The following GPM6A variants were observed in gnomAD, a reference collection of about 807,000 sequenced individuals.
The protein encoded by GPM6A is glycoprotein M6A.
A neutral mutation model predicts 32.1 loss-of-function variants in GPM6A; 7 were observed. The ratio of observed to expected loss-of-function variants is 0.22; its 90% CI spans 0.12 to 0.41. The LOEUF (loss-of-function observed/expected upper bound fraction) is 0.41, where lower values mean the gene tolerates loss of function less well. Among genes scored for constraint, GPM6A ranks in the 10% least tolerant of loss-of-function variants. The pLI, the probability that GPM6A is intolerant of heterozygous loss-of-function variation, is 1.00. For missense variants in GPM6A, 235 were observed against 347.2 expected, an observed-to-expected ratio of 0.68 and a Z score of 2.57; for synonymous variants, 130 against 123.4, an observed-to-expected ratio of 1.05 and a Z score of -0.35.
chr4:175,731,316 G>T (rs1033704789), intron 1 of GPM6A, among the ~76,000 whole-genome samples: 1 of 152,048 alleles, frequency 6.6e-6, no homozygotes, highest in African/African-American at 2.4e-5. Flanking sequence ...CCCAGTGCCT[G>T]CAATGCGCTC....
chr4:175,815,197 G>A (rs147865657), upstream of GPM6A, among the ~76,000 whole-genome samples: 1,153 of 152,188 alleles, frequency 7.6e-3, 14 homozygotes, highest in African/African-American at 0.026. Context: ...TTTTAGTGGA[G>A]ACCGGGTTGG....
At chr4:175,684,372 T>A (rs941824943) in intron 2 of GPM6A, among the ~76,000 whole-genome samples, 5 of 152,188 alleles carry the variant, frequency 3.3e-5, no homozygotes, top group Admixed American at 2.0e-4. Flanking sequence ...TTAGAAGCCT[T>A]TACCTACACC....
intron 2 of GPM6A, among the ~76,000 whole-genome samples, chr4:175,679,702 A>G (rs111410742): frequency 2.6e-5 from 4 of 152,260 alleles, no homozygotes; most frequent in African/African-American, 9.6e-5. Flanking sequence ...TGATTTGTCT[A>G]TTTGTTAGTG....
chr4:175,706,277 C>T (rs942266522), intron 1 of GPM6A, among the ~76,000 whole-genome samples: 1 of 152,158 alleles, frequency 6.6e-6, no homozygotes, highest in Non-Finnish European at 1.5e-5. Context: ...AAGATACTGA[C>T]ATTTTTAAAA....
chr4:175,911,154 C>G (rs1179189965), intron 1 of GPM6A, among the ~76,000 whole-genome samples: 1 of 152,118 alleles, frequency 6.6e-6, no homozygotes. Flanking sequence ...GTCTATCCAG[C>G]CCTCCAAATG....
At chr4:175,787,955 A>G (rs1330169752) in intron 1 of GPM6A, 1 of 152,200 alleles carries the variant, frequency 6.6e-6, no homozygotes, top group Non-Finnish European at 1.5e-5. Flanking sequence ...ATACATATAT[A>G]CTTTGAAGTT....
intron 6 of GPM6A, among the ~76,000 whole-genome samples, chr4:175,637,691 TA>T (rs1294682031): frequency 3.6e-5 from 3 of 82,248 alleles, no homozygotes; most frequent in East Asian, 3.2e-4. Flanking sequence ...ATATAATATA[TA>T]ATATATTATA....
intron 1 of GPM6A, among the ~76,000 whole-genome samples, chr4:175,852,001 G>A (rs936940561): frequency 6.6e-6 from 1 of 152,122 alleles, no homozygotes; most frequent in Non-Finnish European, 1.5e-5. Flanking sequence ...GATATTAAAA[G>A]ATCAGTCAGA....
rs1030879950 is a variant in GPM6A, at chr4:175,727,718, C to T, written c.38-25951G>A. On this transcript the variant is annotated intron_variant, in intron 1 of 6. Coordinates refer to ENST00000393658, the MANE Select transcript of GPM6A (RefSeq NM_201591.3). ...ATTATACAATTATAAAAACTTACGGCGTGGGCTGGGCATGGTGGCTCACAC... is the reference window on the plus strand; with the variant it reads ...ATTATACAATTATAAAAACTTACGGTGTGGGCTGGGCATGGTGGCTCACAC... 3.9e-5 allele frequency among the ~76,000 whole-genome samples: 6 copies of T among 152,066 alleles called. No homozygotes were observed. In the South Asian group the frequency reaches 1.0e-3, roughly 26 times the overall value.
chr4:175,964,945 AACT>A (rs1740287854), intron 1 of GPM6A, among the ~76,000 whole-genome samples: 1 of 152,262 alleles, frequency 6.6e-6, no homozygotes, highest in Non-Finnish European at 1.5e-5. Context: ...AAACTCAAAG[AACT>A]GCAAGGATAA....
At chr4:175,771,472 G>A (rs1341405969) in intron 1 of GPM6A, among the ~76,000 whole-genome samples, 1 of 150,710 alleles carries the variant, frequency 6.6e-6, no homozygotes, top group Non-Finnish European at 1.5e-5. Context: ...TGAGGAGGCT[G>A]AGGCGGGAGA....
Position 175,885,147 on chromosome 4 carries a change from T to C in GPM6A, c.-22-72898A>G, listed in dbSNP as rs560167637. Among the ~76,000 whole-genome samples the C allele has an allele frequency of 2.0e-5, 3 of 152,148 alleles. No individual in the cohort carries two copies. In the South Asian group the frequency reaches 6.2e-4, roughly 32 times the overall value. On this transcript the variant is annotated intron_variant, in intron 1 of 7. Transcript: ENST00000280187. ...CACAACACAGCCATTAATGAGAGAA[T>C]GAAAAATAAATTGTGGTATAACCAT...
intron 1 of GPM6A, among the ~76,000 whole-genome samples, chr4:175,797,340 T>C (rs914771433): frequency 6.6e-6 from 1 of 152,200 alleles, no homozygotes; most frequent in African/African-American, 2.4e-5. Context: ...GCTTTCATAA[T>C]CTTGTTCATA....
chr4:175,662,925 G>C (rs537389778), intron 3 of GPM6A, among the ~76,000 whole-genome samples: 7 of 151,998 alleles, frequency 4.6e-5, no homozygotes, highest in Admixed American at 3.9e-4. Context: ...AAGCAAACAT[G>C]GTAGTGAAAT....
intron 2 of GPM6A, among the ~76,000 whole-genome samples, chr4:175,693,290 A>G (rs905848782): frequency 3.4e-5 from 5 of 147,692 alleles, no homozygotes; most frequent in African/African-American, 1.2e-4. Flanking sequence ...ACATATATAC[A>G]TATATATATA....
At chr4:175,857,403 G>A (rs1263657424) in intron 1 of GPM6A, among the ~76,000 whole-genome samples, 1 of 152,024 alleles carries the variant, frequency 6.6e-6, no homozygotes, top group Non-Finnish European at 1.5e-5. Context: ...ATTCTGATAA[G>A]TTAAAATATA....
At chr4:175,778,894 T>TGATA (rs1224299320) in intron 1 of GPM6A, among the ~76,000 whole-genome samples, 3 of 150,834 alleles carry the variant, frequency 2.0e-5, no homozygotes, top group African/African-American at 4.9e-5. Context: ...AATCACATAT[T>TGATA]GATAGCTTGT....
intron 1 of GPM6A, among the ~76,000 whole-genome samples, chr4:175,988,856 T>C (rs564635577): frequency 6.6e-6 from 1 of 152,276 alleles, no homozygotes; most frequent in African/African-American, 2.4e-5. Context: ...TACTCTGATT[T>C]GTTGTCAATG....
intron 1 of GPM6A, among the ~76,000 whole-genome samples, chr4:175,748,483 TTGTC>T (rs1475716825): frequency 1.3e-5 from 2 of 152,238 alleles, no homozygotes; most frequent in East Asian, 3.8e-4. Context: ...ACAAAGTACA[TTGTC>T]AGTGAGTAGT....
Sources: allele counts gnomAD v4.1 joint callset (sites outside exome capture counted in the v4.1 genomes callset), GRCh38; gene constraint gnomAD v4.1.1; transcripts MANE v1.5; gene names NCBI Gene and HGNC (gene_info 2026-07-23, HGNC 2026-07-21).